MTM1: variants seen among roughly 807,000 people sequenced by gnomAD.
MTM1 encodes the protein myotubularin.
MTM1 carries 9 observed loss-of-function variants against 52.1 expected under a neutral mutation model. The ratio of observed to expected loss-of-function variants is 0.17; its 90% confidence interval spans 0.10 to 0.30. MTM1 has a LOEUF of 0.30. Among genes scored for constraint, MTM1 ranks in the 10% least tolerant of loss-of-function variants. The probability of loss-of-function intolerance (pLI) is 1.00; values close to 1 mark genes in which losing one functional copy is unlikely to be tolerated. For missense variants in MTM1, 277 were observed against 470.7 expected (o/e 0.59, Z 3.81); for synonymous variants, 136 against 163.8 (o/e 0.83, Z 1.29).
At chrX:150,625,151 T>G (rs2148469066) in intron 6 of MTM1, among the ~76,000 whole-genome samples, 1 of 111,912 alleles carries the variant, frequency 8.9e-6, no homozygotes, top group East Asian at 2.8e-4. Context: ...CTCAGTCACT[T>G]ACCTGCTTGG....
chrX:150,660,774 G>A (rs1223300875), intron 13 of MTM1, among the ~76,000 whole-genome samples: 1 of 111,593 alleles, frequency 9.0e-6, no homozygotes, highest in African/African-American at 3.3e-5. Context: ...ACTCATGGCA[G>A]AAGGTGAAGG....
upstream of MTM1, among the ~76,000 whole-genome samples, chrX:150,566,164 C>A (rs1459046686): frequency 9.0e-6 from 1 of 111,390 alleles, no homozygotes; most frequent in African/African-American, 3.3e-5. Flanking sequence ...GAGATGGAAT[C>A]TCACTCTGTC....
intron 4 of MTM1, among the ~76,000 whole-genome samples, chrX:150,612,774 A>G (rs2039307987): frequency 1.8e-5 from 2 of 111,490 alleles, no homozygotes; most frequent in African/African-American, 6.5e-5. Flanking sequence ...ACCTGAGGTC[A>G]GGGGTTTGAG....
chrX:150,663,595 A>G lies in MTM1; in HGVS notation c.1630A>G (p.Arg544Gly). The G allele has an allele frequency of 3.3e-6, 4 of 1,209,646 alleles. No individual in the cohort carries two copies. Among genetic ancestry groups the G allele is most frequent in the Non-Finnish European group, 4.5e-6 (4 of 893,336 alleles). The change falls in exon 14 of 15, where the codon AGG (arginine) becomes GGG (glycine). Residue 544 changes from arginine to glycine, a missense_variant. Transcript: ENST00000370396. ...GAATTACTACATTAGATGGAACCCC[A>G]GGATCAAGCAACAAGTAAGTGAAGT... ...WVNYYIRWNP[R>G]IKQQQPNPVE...
At chrX:150,586,688 C>T (rs1033120643) in intron 1 of MTM1, among the ~76,000 whole-genome samples, 4 of 110,766 alleles carry the variant, frequency 3.6e-5, no homozygotes, top group African/African-American at 1.3e-4. Context: ...CCGATGTGGG[C>T]GGATCACTTG....
At chrX:150,666,662 C>T (rs1382549727) in intron 14 of MTM1, among the ~76,000 whole-genome samples, 5 of 111,750 alleles carry the variant, frequency 4.5e-5, no homozygotes, top group African/African-American at 1.6e-4. Flanking sequence ...AAGAAGGTGG[C>T]AATGTAACAC....
chrX:150,579,140 C>T (rs1557411778), intron 1 of MTM1, among the ~76,000 whole-genome samples: 1 of 110,215 alleles, frequency 9.1e-6, no homozygotes, highest in Non-Finnish European at 1.9e-5. Context: ...CTGCAACCTC[C>T]GCCTCCTGGG....
intron 11 of MTM1, 121 bp downstream of exon 11, chrX:150,658,148 G>C: frequency 1.6e-6 from 1 of 614,828 alleles, no homozygotes. Flanking sequence ...AAAACTTTAC[G>C]CGTTTGAAAA....
chrX:150,669,525 C>T (rs2040361822), intron 14 of MTM1, among the ~76,000 whole-genome samples: 1 of 111,974 alleles, frequency 8.9e-6, no homozygotes, highest in Admixed American at 9.5e-5. Context: ...GCCTCGCCAG[C>T]ATCTATCATT....
chrX:150,653,406 T>G lies in MTM1; in HGVS notation c.1053+3505T>G, dbSNP rs184986560. On this transcript the variant is annotated intron_variant, in intron 10 of 14. Coordinates refer to ENST00000370396, the MANE Select transcript of MTM1 (RefSeq NM_000252.3). The stretch of plus-strand genomic sequence containing the variant: ...CTTATCAGGATTTGTGTGATGTAAT[T>G]TAGGGCCCACCTGGATAATCCGGAA... Among the ~76,000 whole-genome samples, 3 of 112,198 alleles carry G rather than the reference T, an allele frequency of 2.7e-5. No individual in the cohort carries two copies. The Admixed American group carries it at 2.8e-4, about 11-fold the overall frequency.
intron 7 of MTM1, among the ~76,000 whole-genome samples, chrX:150,640,066 G>A (rs1338015518): frequency 1.8e-5 from 2 of 111,614 alleles, no homozygotes; most frequent in East Asian, 5.6e-4. Context: ...AGACTGTTGA[G>A]TTTTCTAAGG....
At chrX:150,671,159 C>T in intron 14 of MTM1, among the ~76,000 whole-genome samples, 1 of 111,150 alleles carries the variant, frequency 9.0e-6, no homozygotes, top group Non-Finnish European at 1.9e-5. Flanking sequence ...TCTCGGCTGA[C>T]ACATTTTCAA....
At chrX:150,667,247 GC>G (rs1557414977) in intron 14 of MTM1, among the ~76,000 whole-genome samples, 2 of 111,425 alleles carry the variant, frequency 1.8e-5, no homozygotes, top group African/African-American at 6.5e-5. Context: ...CTCAGCTTCA[GC>G]CAGACTGGCC....
intron 6 of MTM1, among the ~76,000 whole-genome samples, chrX:150,633,646 A>G (rs1000053320): frequency 1.9e-5 from 2 of 105,308 alleles, no homozygotes; most frequent in Admixed American, 1.1e-4. Flanking sequence ...AGCTTTTTAA[A>G]AAGATGAGTG....
chrX:150,593,043 C>T (rs1291723162), intron 2 of MTM1, among the ~76,000 whole-genome samples: 1 of 111,808 alleles, frequency 8.9e-6, no homozygotes, highest in Admixed American at 9.4e-5. Context: ...GGGGTTTCGC[C>T]ATGTTGGCCA....
intron 5 of MTM1, 95 bp from the exon 6 acceptor site, chrX:150,618,943 A>G: frequency 1.5e-6 from 1 of 652,973 alleles, no homozygotes; most frequent in Non-Finnish European, 2.6e-6. Flanking sequence ...CTTTTAGGTA[A>G]GTGAATCTTC....
At chrX:150,597,257 T>G (rs1339429571) in intron 3 of MTM1, among the ~76,000 whole-genome samples, 4 of 111,872 alleles carry the variant, frequency 3.6e-5, no homozygotes, top group African/African-American at 1.3e-4. Flanking sequence ...TTTGATTAAT[T>G]CAGATCTGGG....
chrX:150,612,152 C>T (rs370954660), intron 4 of MTM1, among the ~76,000 whole-genome samples: 2 of 108,161 alleles, frequency 1.8e-5, no homozygotes, highest in East Asian at 2.9e-4. Flanking sequence ...GATCACACCA[C>T]TGCACTTCAG....
At chrX:150,631,975 G>A (rs2039679153) in intron 6 of MTM1, among the ~76,000 whole-genome samples, 1 of 111,943 alleles carries the variant, frequency 8.9e-6, no homozygotes, top group Admixed American at 9.5e-5. Flanking sequence ...AACTATTGAA[G>A]CTGTATAAGA....
Sources: allele counts gnomAD v4.1 joint callset (sites outside exome capture counted in the v4.1 genomes callset), GRCh38; gene constraint gnomAD v4.1.1; transcripts MANE v1.5; gene names NCBI Gene and HGNC (gene_info 2026-07-23, HGNC 2026-07-21).